TOP6BL: variants seen among roughly 807,000 people sequenced by gnomAD.
The protein encoded by TOP6BL is TOP6B like initiator of meiotic double strand breaks, also known as type 2 DNA topoisomerase 6 subunit B-like.
the TOP6BL span, among the ~76,000 whole-genome samples, chr11:66,810,803 T>C: frequency 2.0e-5 from 3 of 152,120 alleles, no homozygotes; most frequent in African/African-American, 7.2e-5. Context: ...TTTGGCATAG[T>C]GATTTGGGGT....
the TOP6BL span, chr11:66,822,758 C>A: frequency 1.1e-6 from 1 of 901,630 alleles, no homozygotes; most frequent in South Asian, 1.5e-5. Context: ...AATCGCAGCA[C>A]TTTGGGAGGC....
the TOP6BL span, among the ~76,000 whole-genome samples, chr11:66,750,777 G>A: frequency 6.6e-6 from 1 of 151,740 alleles, no homozygotes; most frequent in African/African-American, 2.4e-5. Context: ...ATAGCTCACT[G>A]TAACCTTAAA....
At chr11:66,761,109 C>G in the TOP6BL span, among the ~76,000 whole-genome samples, 1 of 151,632 alleles carries the variant, frequency 6.6e-6, no homozygotes, top group Non-Finnish European at 1.5e-5. Context: ...CGGTGGCTCA[C>G]GCCTGTAATC....
the TOP6BL span, among the ~76,000 whole-genome samples, chr11:66,771,005 C>G: frequency 6.6e-6 from 1 of 152,028 alleles, no homozygotes; most frequent in Non-Finnish European, 1.5e-5. Context: ...AGGAGAATTT[C>G]TAACTTCTTG....
chr11:66,832,290 C>G, the TOP6BL span, among the ~76,000 whole-genome samples: 1 of 151,976 alleles, frequency 6.6e-6, no homozygotes, highest in African/African-American at 2.4e-5. Context: ...TTAGTAAAGA[C>G]GGAGTTTCAC....
the TOP6BL span, among the ~76,000 whole-genome samples, chr11:66,749,168 A>G: frequency 6.6e-6 from 1 of 152,094 alleles, no homozygotes; most frequent in African/African-American, 2.4e-5. Flanking sequence ...ATAGTGAACT[A>G]GGCTTTACAA....
chr11:66,764,568 G>T, the TOP6BL span, among the ~76,000 whole-genome samples: 7 of 151,660 alleles, frequency 4.6e-5, no homozygotes, highest in African/African-American at 1.5e-4. Context: ...GGGAGGCTGA[G>T]GCAGGAGAAT....
the TOP6BL span, chr11:66,796,247 A>C: frequency 1.4e-6 from 2 of 1,434,378 alleles, no homozygotes; most frequent in Non-Finnish European, 2.0e-6. Context: ...GAGATTGTGT[A>C]TGTGTGGTAG....
At chr11:66,843,354 GC>G in the TOP6BL span, 1 of 1,461,272 alleles carries the variant, frequency 6.8e-7, no homozygotes, top group Non-Finnish European at 9.0e-7. Context: ...TCCGCGTCGG[GC>G]CCGGGCGGGG....
chr11:66,828,181 C>G, the TOP6BL span: 2,347 of 859,426 alleles, frequency 2.7e-3, 68 homozygotes, highest in South Asian at 0.033. Context: ...GCCTCCTCAT[C>G]TCCCTGTATA....
the TOP6BL span, among the ~76,000 whole-genome samples, chr11:66,783,439 C>T: frequency 6.6e-6 from 1 of 152,178 alleles, no homozygotes; most frequent in Non-Finnish European, 1.5e-5. Context: ...AAAATTACTT[C>T]AGATCTTTGA....
At chr11:66,832,404 G>A in the TOP6BL span, among the ~76,000 whole-genome samples, 1 of 152,182 alleles carries the variant, frequency 6.6e-6, no homozygotes, top group Non-Finnish European at 1.5e-5. Flanking sequence ...TATGGACACT[G>A]TTTCTGAGAA....
the TOP6BL span, among the ~76,000 whole-genome samples, chr11:66,808,688 T>A: frequency 6.6e-6 from 1 of 152,152 alleles, no homozygotes; most frequent in African/African-American, 2.4e-5. Context: ...TTGAATAAAA[T>A]TCAGTACACT....
chr11:66,777,391 G>T, the TOP6BL span, among the ~76,000 whole-genome samples: 2 of 152,002 alleles, frequency 1.3e-5, no homozygotes, highest in African/African-American at 4.8e-5. Flanking sequence ...TTGTTTTGAG[G>T]ATTAAGTGAA....
At chr11:66,842,912 G>A in the TOP6BL span, 1 of 1,568,242 alleles carries the variant, frequency 6.4e-7, no homozygotes, top group South Asian at 1.2e-5. Context: ...GAGGAGATGC[G>A]AGCTCTGCGC....
At chr11:66,818,668 T>C in the TOP6BL span, among the ~76,000 whole-genome samples, 7 of 152,208 alleles carry the variant, frequency 4.6e-5, no homozygotes, top group Admixed American at 2.0e-4. Context: ...AACATGAGAT[T>C]GTTAGGCTAG....
the TOP6BL span, among the ~76,000 whole-genome samples, chr11:66,795,255 G>A: frequency 6.6e-6 from 1 of 151,432 alleles, no homozygotes; most frequent in African/African-American, 2.4e-5. Context: ...TATTCAATGA[G>A]TGATATCTAT....
At chr11:66,790,067 T>C in the TOP6BL span, among the ~76,000 whole-genome samples, 4 of 151,914 alleles carry the variant, frequency 2.6e-5, no homozygotes, top group Non-Finnish European at 5.9e-5. Flanking sequence ...GGTCCGGAGA[T>C]TGAGACCATC....
the TOP6BL span, chr11:66,762,292 G>A: frequency 0.014 from 6,139 of 442,978 alleles, 295 homozygotes; most frequent in East Asian, 0.14. Flanking sequence ...GCGCACAGCC[G>A]GGGCGCCGGC....
Sources: allele counts gnomAD v4.1 joint callset (sites outside exome capture counted in the v4.1 genomes callset), GRCh38; gene constraint gnomAD v4.1.1; transcripts MANE v1.5; gene names NCBI Gene and HGNC (gene_info 2026-07-23, HGNC 2026-07-21).